The following CFAP61 variants were observed in gnomAD, a reference collection of about 807,000 sequenced individuals.
CFAP61 encodes the protein cilia- and flagella-associated protein 61.
In CFAP61, 107 loss-of-function variants were observed where a neutral mutation model predicts 135.6. The ratio of observed to expected loss-of-function variants is 0.79; its 90% CI spans 0.67 to 0.93. The LOEUF is 0.93. Ranked by LOEUF, CFAP61 falls within the 40% of genes least tolerant of loss-of-function variation. The pLI, the probability that CFAP61 is intolerant of heterozygous loss-of-function variation, is 0.00. For synonymous variants in CFAP61, 575 were observed against 578.5 expected, an observed-to-expected ratio of 0.99 and a Z score of 0.09; for missense variants, 1,507 against 1,556.2, an observed-to-expected ratio of 0.97 and a Z score of 0.53.
At chr20:20,099,588 G>T (rs1228542223) in intron 8 of CFAP61, among the ~76,000 whole-genome samples, 1 of 149,240 alleles carries the variant, frequency 6.7e-6, no homozygotes, top group Non-Finnish European at 1.5e-5. Flanking sequence ...CGGGGGGGGG[G>T]TTGTGAAGTT....
intron 9 of CFAP61, among the ~76,000 whole-genome samples, chr20:20,146,076 T>C (rs1405212123): frequency 2.0e-5 from 3 of 152,118 alleles, no homozygotes; most frequent in South Asian, 2.1e-4. Context: ...CTGTGAACAA[T>C]GTGGATCTTG....
intron 6 of CFAP61, among the ~76,000 whole-genome samples, chr20:20,081,459 C>A (rs1188579267): frequency 1.3e-5 from 2 of 152,124 alleles, no homozygotes; most frequent in Non-Finnish European, 1.5e-5. Flanking sequence ...GCAGCCCATT[C>A]AAAAATTCCC....
At chr20:20,292,674 G>A (rs998982518) in intron 24 of CFAP61, among the ~76,000 whole-genome samples, 3 of 152,184 alleles carry the variant, frequency 2.0e-5, no homozygotes, top group Admixed American at 6.5e-5. Flanking sequence ...CTCAAGGACC[G>A]GAAGTGTTCA....
intron 13 of CFAP61, among the ~76,000 whole-genome samples, chr20:20,173,283 A>G (rs1331285586): frequency 6.6e-6 from 1 of 152,216 alleles, no homozygotes; most frequent in Non-Finnish European, 1.5e-5. Context: ...CAGCTCATTT[A>G]GATAACTACC....
Position 20,164,242 on chromosome 20 carries a change from T to C in CFAP61, c.1205+14T>C. The C allele has an allele frequency of 6.3e-7, 1 of 1,593,100 alleles. No individual in the cohort carries two copies. The highest frequency in any genetic ancestry group is 8.6e-7 in the Non-Finnish European group (1 of 1,167,344). On this transcript the variant is annotated intron_variant, in intron 11 of 26. Coordinates refer to ENST00000245957, the MANE Select transcript of CFAP61 (RefSeq NM_015585.4). ...ATATGAAGCAAGGCAAGTACTGACC[T>C]TCTGGCTGGCTGTCACAGTGAGAAT...
chr20:20,257,792 A>G (rs1330980434), intron 20 of CFAP61, among the ~76,000 whole-genome samples: 1 of 152,190 alleles, frequency 6.6e-6, no homozygotes, highest in African/African-American at 2.4e-5. Flanking sequence ...AAATTAATCT[A>G]ATAAAGACCA....
intron 8 of CFAP61, among the ~76,000 whole-genome samples, chr20:20,101,105 GAA>G (rs1389914700): frequency 2.0e-5 from 3 of 152,112 alleles, no homozygotes; most frequent in African/African-American, 7.2e-5. Flanking sequence ...TTATATCTAA[GAA>G]AAGAGTCATC....
At position 20,359,358 on chromosome 20, in the gene CFAP61, T is replaced by A. The variant is rs910982206; in HGVS notation, c.3514-852T>A. Among the ~76,000 whole-genome samples the A allele has an allele frequency of 6.6e-6, 1 of 152,174 alleles. No individual in the cohort carries two copies. The highest frequency in any genetic ancestry group is 6.5e-5 in the Admixed American group (1 of 15,278). On this transcript the variant is annotated intron_variant, in intron 26 of 26. Transcript: ENST00000245957. This position sits in a 1 kb window ranked among gnomAD's most constrained non-coding sequence, Gnocchi z 4.0. ...TTTAATCACTCCTTTTTTTTATTTT[T>A]AAATTTTTTTATTTTTAAAACAGAG... is the stretch of plus-strand genomic sequence containing the variant.
At chr20:20,295,187 C>T (rs771611962) in intron 24 of CFAP61, among the ~76,000 whole-genome samples, 67 of 152,046 alleles carry the variant, frequency 4.4e-4, no homozygotes, top group Non-Finnish European at 8.5e-4. Flanking sequence ...GCCTCGGCCA[C>T]GTACATGGAA....
chr20:20,181,254 CTT>C (rs1405256461), intron 13 of CFAP61, among the ~76,000 whole-genome samples: 4 of 124,264 alleles, frequency 3.2e-5, no homozygotes, highest in African/African-American at 9.4e-5. Context: ...ATATATATAA[CTT>C]TTATATGTAT....
rs2056511642 is a variant in CFAP61 at position 20,199,784 on chromosome 20, C to T, written c.1814C>T (p.Ala605Val). 6.2e-7 allele frequency: 1 copy of T among 1,614,144 alleles called. No homozygotes were observed. The highest frequency in any genetic ancestry group is 8.5e-7 in the Non-Finnish European group (1 of 1,180,010). ...GTCTTTCAGTTCCAGAACCCCTACGCCCACTCCCTGACATCTGCCCTTCAT... is the reference window on the plus strand; with the variant it reads ...GTCTTTCAGTTCCAGAACCCCTACGTCCACTCCCTGACATCTGCCCTTCAT... ...SREGKFQNPYAHSLTSALHYL... is the reference protein window; with the variant it reads ...SREGKFQNPYVHSLTSALHYL... The change falls in exon 17 of 27, where the codon GCC (alanine) becomes GTC (valine). Residue 605 changes from alanine to valine, a missense_variant. Ala to Val is a moderately conservative substitution (Grantham distance 64). Coordinates refer to ENST00000245957, the MANE Select transcript of CFAP61 (RefSeq NM_015585.4).
intron 18 of CFAP61, among the ~76,000 whole-genome samples, chr20:20,229,606 C>T (rs1052620763): frequency 1.3e-5 from 2 of 152,122 alleles, no homozygotes; most frequent in Non-Finnish European, 2.9e-5. Context: ...AAATGACCCT[C>T]AAAAGGTGTA....
In CFAP61 at chr20:20,251,762, A is replaced by G; in HGVS notation, c.2327A>G (p.Gln776Arg). The change falls in exon 20 of 27, where the codon CAG becomes CGG. Residue 776 changes from glutamine (Q) to arginine (R), a missense_variant and splice_region_variant. Transcript: ENST00000245957. ...HLILCTGQQY[Q>R]VPCPTEADIS... The stretch of plus-strand genomic sequence containing the variant: ...ATCCTCTGCACCGGGCAGCAGTACC[A>G]GGTAAGGCCGGGCACAGGGGGCGCA... 6.2e-7 allele frequency: 1 copy of G among 1,613,324 alleles called. No homozygotes were observed. Among genetic ancestry groups the G allele is most frequent in the Non-Finnish European group, 8.5e-7 (1 of 1,180,008 alleles).
chr20:20,161,339 T>C (rs1317689179), intron 10 of CFAP61, among the ~76,000 whole-genome samples: 1 of 152,164 alleles, frequency 6.6e-6, no homozygotes, highest in Non-Finnish European at 1.5e-5. Flanking sequence ...TGGATTGATC[T>C]CCTATTTTTA....
chr20:20,105,587 C>G (rs943411566), intron 8 of CFAP61, among the ~76,000 whole-genome samples: 1 of 152,066 alleles, frequency 6.6e-6, no homozygotes, highest in Non-Finnish European at 1.5e-5. Flanking sequence ...CATACATAGC[C>G]CTAATATACT....
At chr20:20,075,364 T>A in intron 5 of CFAP61, 108 bp downstream of exon 5, 1 of 1,436,512 alleles carries the variant, frequency 7.0e-7, no homozygotes, top group South Asian at 1.1e-5. Flanking sequence ...AGGTCCTCAA[T>A]GTACCATGTG....
intron 19 of CFAP61, among the ~76,000 whole-genome samples, chr20:20,248,809 C>A (rs1429928886): frequency 2.6e-5 from 4 of 152,196 alleles, no homozygotes; most frequent in African/African-American, 9.7e-5. Context: ...CTTTTGACCA[C>A]AAGGTTGGGG....
intron 7 of CFAP61, among the ~76,000 whole-genome samples, chr20:20,094,975 G>A (rs2047461463): frequency 6.6e-6 from 1 of 152,066 alleles, no homozygotes; most frequent in African/African-American, 2.4e-5. Flanking sequence ...TAAATCCTCA[G>A]GAACTCTGCA....
intron 18 of CFAP61, among the ~76,000 whole-genome samples, chr20:20,236,334 G>A (rs1389177068): frequency 6.6e-6 from 1 of 152,088 alleles, no homozygotes; most frequent in Non-Finnish European, 1.5e-5. Context: ...CATGCAGGTG[G>A]GTTTAGGAGC....
Sources: gnomAD v4.1 joint callset for allele counts (sites outside exome capture counted in the v4.1 genomes callset) on GRCh38, gnomAD v4.1.1 for gene constraint, Gnocchi (gnomAD v3.1) non-coding constraint, MANE v1.5 for transcripts, NCBI Gene and HGNC (gene_info 2026-07-23, HGNC 2026-07-21) for gene names.